Variants in KLF12 observed in about 807,000 individuals in gnomAD.
KLF12 encodes Krueppel-like factor 12.
KLF12 carries 9 observed loss-of-function variants against 37.8 expected under a neutral mutation model. The observed-to-expected ratio is 0.24, with a 90% CI of 0.14 to 0.42. The LOEUF (loss-of-function observed/expected upper bound fraction) is 0.42. Among genes scored for constraint, KLF12 ranks in the 10% least tolerant of loss-of-function variants. The probability of loss-of-function intolerance (pLI) is 1.00; values close to 1 mark genes in which losing one functional copy is unlikely to be tolerated. For synonymous variants in KLF12, 208 were observed against 202.1 expected (o/e 1.03, Z -0.25); for missense variants, 411 against 516.0 (o/e 0.80, Z 1.97).
chr13:74,009,880 G>A (rs978703653), intron 1 of KLF12, among the ~76,000 whole-genome samples: 1 of 152,210 alleles, frequency 6.6e-6, no homozygotes, highest in African/African-American at 2.4e-5. Context: ...CAAGTAGTCT[G>A]TGACTGAAGG....
At chr13:73,853,026 T>G (rs1421465740) in intron 3 of KLF12, among the ~76,000 whole-genome samples, 2 of 151,816 alleles carry the variant, frequency 1.3e-5, no homozygotes, top group Admixed American at 1.3e-4. Flanking sequence ...CCCGCCACCA[T>G]GCGGCTAATT....
In KLF12 at chr13:73,824,294, A is replaced by C. The variant is rs553209252; in HGVS notation, c.671-11007T>G. Among the ~76,000 whole-genome samples the C allele has an allele frequency of 1.1e-4, 17 of 152,294 alleles. 1 individual carries two copies. The highest frequency in any genetic ancestry group is 4.1e-4 in the African/African-American group (17 of 41,564). ...GCCCCGTAGTTGTGCAGTCTCACTCATAAACTGACCCCCGGTGCATAGGAT... is the reference window on the plus strand; with the variant it reads ...GCCCCGTAGTTGTGCAGTCTCACTCCTAAACTGACCCCCGGTGCATAGGAT... On this transcript the variant is annotated intron_variant, in intron 4 of 7. Transcript: ENST00000377669.
chr13:74,176,323 A>G, the KLF12 span, among the ~76,000 whole-genome samples: 1 of 152,132 alleles, frequency 6.6e-6, no homozygotes, highest in Admixed American at 6.5e-5. Context: ...CCAACAGACA[A>G]TTTTCTACAA....
chr13:74,053,083 G>A (rs1043437001), intron 1 of KLF12, among the ~76,000 whole-genome samples: 2 of 152,126 alleles, frequency 1.3e-5, no homozygotes, highest in Admixed American at 1.3e-4. Flanking sequence ...TTTTCAATCT[G>A]GTTGTATGTT....
chr13:73,787,147 T>C (rs990383835), intron 5 of KLF12, among the ~76,000 whole-genome samples: 5 of 152,220 alleles, frequency 3.3e-5, no homozygotes, highest in Non-Finnish European at 7.3e-5. Context: ...TACTTTTCAT[T>C]CTTGAAGAAC....
At chr13:74,157,084 C>T in the KLF12 span, among the ~76,000 whole-genome samples, 748 of 152,194 alleles carry the variant, frequency 4.9e-3, 8 homozygotes, top group African/African-American at 0.017. Context: ...TTGCATTTAA[C>T]AATGAATCAC....
At chr13:73,940,626 C>T (rs1890145980) in intron 3 of KLF12, among the ~76,000 whole-genome samples, 2 of 152,148 alleles carry the variant, frequency 1.3e-5, no homozygotes, top group South Asian at 4.1e-4. Flanking sequence ...TATTTTTCAC[C>T]ATGCTAATTA....
At chr13:74,193,850 T>G in the KLF12 span, among the ~76,000 whole-genome samples, 8 of 152,224 alleles carry the variant, frequency 5.3e-5, no homozygotes, top group African/African-American at 1.9e-4. Flanking sequence ...TTCTGATGAT[T>G]GCTAACGTGT....
chr13:74,220,758 C>A, the KLF12 span, among the ~76,000 whole-genome samples: 1 of 152,200 alleles, frequency 6.6e-6, no homozygotes, highest in Non-Finnish European at 1.5e-5. Flanking sequence ...CATATAAGAT[C>A]ATGAGGTATT....
chr13:73,834,076 A>C (rs1566403378), intron 4 of KLF12, among the ~76,000 whole-genome samples: 3 of 152,236 alleles, frequency 2.0e-5, no homozygotes, highest in Non-Finnish European at 4.4e-5. Context: ...ATATTAGCTA[A>C]TGAGGCTTAA....
At chr13:73,994,247 T>C (rs1200140861) in intron 2 of KLF12, among the ~76,000 whole-genome samples, 1 of 152,186 alleles carries the variant, frequency 6.6e-6, no homozygotes, top group Non-Finnish European at 1.5e-5. Context: ...TGAAATTGTA[T>C]TGCTGAGCAG....
At chr13:74,255,776 A>G in the KLF12 span, among the ~76,000 whole-genome samples, 1 of 152,312 alleles carries the variant, frequency 6.6e-6, no homozygotes, top group East Asian at 1.9e-4. Context: ...ATATATTTCC[A>G]TAAAATTCAA....
In KLF12 at chr13:73,963,284, T is replaced by TACAC. The variant is rs10543490; in HGVS notation, c.34-19218_34-19215dup. On this transcript the variant is annotated intron_variant, in intron 2 of 7. Transcript: ENST00000377669. The stretch of plus-strand genomic sequence containing the variant: ...TCATAAAGTATAAGAGAGTCATTTA[T>TACAC]ACACACACACACACACACACACACA... 8.9e-3 allele frequency among the ~76,000 whole-genome samples: 1,300 copies of TACAC among 145,256 alleles called. 15 individuals carry two copies. Among genetic ancestry groups the TACAC allele is most frequent in the African/African-American group, 0.018 (693 of 39,276 alleles).
At chr13:73,757,911 T>C (rs1163209854) in intron 6 of KLF12, among the ~76,000 whole-genome samples, 1 of 152,200 alleles carries the variant, frequency 6.6e-6, no homozygotes, top group Non-Finnish European at 1.5e-5. Context: ...TAAGTTGATA[T>C]GTTAATTAAA....
chr13:74,103,728 C>G (rs551393181), intron 1 of KLF12, among the ~76,000 whole-genome samples: 5 of 152,140 alleles, frequency 3.3e-5, no homozygotes, highest in South Asian at 2.1e-4. Context: ...ACTTCCAGGT[C>G]ACTATGAATA....
the KLF12 span, among the ~76,000 whole-genome samples, chr13:74,209,980 A>G: frequency 2.0e-5 from 3 of 152,226 alleles, no homozygotes; most frequent in South Asian, 2.1e-4. Flanking sequence ...AAAGATGCCC[A>G]AAGTCAGGTA....
chr13:74,037,164 T>C (rs1027865799), intron 1 of KLF12, among the ~76,000 whole-genome samples: 13 of 148,580 alleles, frequency 8.7e-5, no homozygotes, highest in Middle Eastern at 3.4e-3. Flanking sequence ...GATCACGCCA[T>C]TGCACTCCAG....
At chr13:74,037,385 A>G (rs970943956) in intron 1 of KLF12, among the ~76,000 whole-genome samples, 9 of 152,052 alleles carry the variant, frequency 5.9e-5, no homozygotes, top group Non-Finnish European at 1.2e-4. Context: ...ATTCCCTTAC[A>G]ATACACACTC....
At chr13:73,741,275 C>T (rs371702954) in intron 6 of KLF12, among the ~76,000 whole-genome samples, 69 of 152,218 alleles carry the variant, frequency 4.5e-4, no homozygotes, top group African/African-American at 1.6e-3. Context: ...TAAGCTCTGC[C>T]GTGGCAACCC....
Sources: gnomAD v4.1 joint callset for allele counts (sites outside exome capture counted in the v4.1 genomes callset) on GRCh38, gnomAD v4.1.1 for gene constraint, MANE v1.5 for transcripts, NCBI Gene and HGNC (gene_info 2026-07-23, HGNC 2026-07-21) for gene names.